RGS13: variants seen among roughly 807,000 people sequenced by gnomAD.
The protein encoded by RGS13 is regulator of G-protein signalling 13.
Under a neutral mutation model 19.9 loss-of-function variants are expected in RGS13, and 14 were observed. That is an observed-to-expected ratio of 0.70 (90% CI 0.46 to 1.10). The LOEUF is 1.10. Among genes scored for constraint, RGS13 ranks in the 50% least tolerant of loss-of-function variants. RGS13 has a pLI of 0.00. For synonymous variants in RGS13, 60 were observed against 56.8 expected (o/e 1.06, Z -0.25); for missense variants, 205 against 187.1 (o/e 1.10, Z -0.56).
At chr1:192,637,720 C>A (rs1285989477) in intron 2 of RGS13, 60 bp downstream of exon 2, 1 of 151,984 alleles carries the variant, frequency 6.6e-6, no homozygotes, top group Non-Finnish European at 1.5e-5. Flanking sequence ...CACTGTTTCA[C>A]TGGGAATTCT....
chr1:192,659,976 G>C lies in RGS13; in HGVS notation c.*453G>C, dbSNP rs959321249. 6 of 152,146 alleles carry C rather than the reference G, an allele frequency of 3.9e-5. 1 individual carries two copies. Among genetic ancestry groups the C allele is most frequent in the African/African-American group, 1.4e-4 (6 of 41,396 alleles). The allele number at this position is 152,146 out of a possible 1,614,324, so 9.4% of individuals were successfully genotyped here. On this transcript the variant is annotated 3_prime_UTR_variant, in exon 7 of 7. Transcript: ENST00000391995. ...AATGCTACTCACAGTACAATCAATT[G>C]TATTATACCATGAGAAAATCAAAAA...
rs1228462244 is a variant in RGS13, at chr1:192,659,753, A to C, written c.*230A>C. On this transcript the variant is annotated 3_prime_UTR_variant, in exon 7 of 7. Transcript: ENST00000391995. Reference sequence around the variant, plus strand: ...AGCCTATGTAGTTCAATTAATATATAAGGAAAAGGAAGGTCTTTCTTCATG... The same window carrying C: ...AGCCTATGTAGTTCAATTAATATATCAGGAAAAGGAAGGTCTTTCTTCATG... 5.5e-6 allele frequency: 2 copies of C among 362,778 alleles called. No homozygotes were observed. Among genetic ancestry groups the C allele is most frequent in the Non-Finnish European group, 9.8e-6 (2 of 205,120 alleles). The allele number at this position is 362,778 out of a possible 1,614,324, so 22.5% of individuals were successfully genotyped here.
At chr1:192,658,670 C>A (rs543388298) in intron 6 of RGS13, 2 of 248,038 alleles carry the variant, frequency 8.1e-6, no homozygotes, top group Admixed American at 4.8e-5. Context: ...GAGTCTGTGG[C>A]GAAAGCATTG....
intron 5 of RGS13, among the ~76,000 whole-genome samples, chr1:192,657,905 C>T (rs548813391): frequency 4.6e-5 from 7 of 152,226 alleles, no homozygotes; most frequent in Non-Finnish European, 1.0e-4. Context: ...TTCCTGGGCT[C>T]TGTGATGTCT....
At chr1:192,650,166 C>A (rs1400505357) in intron 5 of RGS13, among the ~76,000 whole-genome samples, 1 of 152,054 alleles carries the variant, frequency 6.6e-6, no homozygotes, top group South Asian at 2.1e-4. Context: ...TTCAAGTGGT[C>A]ATCTGCCTTG....
At chr1:192,656,370 T>A (rs1406971531) in intron 5 of RGS13, among the ~76,000 whole-genome samples, 1 of 151,950 alleles carries the variant, frequency 6.6e-6, no homozygotes, top group Non-Finnish European at 1.5e-5. Context: ...TTTGTTCATT[T>A]GTTTGTTTGT....
chr1:192,649,275 T>C (rs1290245545), intron 5 of RGS13, among the ~76,000 whole-genome samples: 2 of 152,168 alleles, frequency 1.3e-5, no homozygotes, highest in African/African-American at 2.4e-5. Flanking sequence ...TGTTAGAACA[T>C]TGAAATGTGA....
At chr1:192,639,274 A>G (rs553662315) in intron 3 of RGS13, among the ~76,000 whole-genome samples, 22 of 152,236 alleles carry the variant, frequency 1.4e-4, no homozygotes, top group South Asian at 4.1e-4. Flanking sequence ...AATTGCATTT[A>G]AAGGGAAGCT....
chr1:192,639,305 T>C (rs1011282935), intron 3 of RGS13, among the ~76,000 whole-genome samples: 13 of 151,748 alleles, frequency 8.6e-5, no homozygotes, highest in Admixed American at 1.3e-4. Flanking sequence ...TGTCCTCTTG[T>C]CCCTTTTTTC....
chr1:192,652,797 TGCTATATA>T (rs1663365944), intron 5 of RGS13, among the ~76,000 whole-genome samples: 1 of 152,014 alleles, frequency 6.6e-6, no homozygotes, highest in Non-Finnish European at 1.5e-5. Context: ...ATTCAGTGCC[TGCTATATA>T]GCAAGCAGTG....
chr1:192,657,865 C>T (rs116012659), intron 5 of RGS13, among the ~76,000 whole-genome samples: 3,925 of 152,134 alleles, frequency 0.026, 74 homozygotes, highest in Admixed American at 0.038. Flanking sequence ...ATGATTAGAG[C>T]CCCCGTCCTC....
chr1:192,648,069 T>G, intron 5 of RGS13, 82 bp downstream of exon 5: 1 of 931,790 alleles, frequency 1.1e-6, no homozygotes, highest in African/African-American at 1.7e-5. Flanking sequence ...AGATGATGAA[T>G]GTATGCTATT....
intron 5 of RGS13, among the ~76,000 whole-genome samples, chr1:192,654,461 T>G (rs917238335): frequency 1.3e-5 from 2 of 151,898 alleles, no homozygotes; most frequent in African/African-American, 4.8e-5. Flanking sequence ...AAATCAGAAA[T>G]TATTAACAGC....
At chr1:192,646,725 C>T (rs1364913483) in intron 4 of RGS13, 1 of 152,096 alleles carries the variant, frequency 6.6e-6, no homozygotes, top group Non-Finnish European at 1.5e-5. Context: ...TCATTCAGTT[C>T]CCACTTATAA....
At position 192,659,859 on chromosome 1, in the gene RGS13, C is replaced by T. The variant is rs889672666; in HGVS notation, c.*336C>T. On this transcript the variant is annotated 3_prime_UTR_variant, in exon 7 of 7. Coordinates refer to ENST00000391995, the MANE Select transcript of RGS13 (RefSeq NM_002927.5). ...TAATAAAATTTTGTGTCATAATTTA[C>T]AAATTAGTTCTTTAAAAATTGTTGT... 3 of 192,218 alleles carry T rather than the reference C, an allele frequency of 1.6e-5. No homozygotes were observed. The highest frequency in any genetic ancestry group is 3.1e-5 in the Non-Finnish European group (3 of 95,374). 11.9% of individuals were successfully genotyped at this position (192,218 alleles called of 1,614,324 possible).
At chr1:192,641,203 GGAAAGAAA>G (rs146449985) in intron 3 of RGS13, among the ~76,000 whole-genome samples, 2,933 of 95,548 alleles carry the variant, frequency 0.031, 112 homozygotes, top group Admixed American at 0.049. Context: ...AAAGAAAAAA[GGAAAGAAA>G]GAAAGAAAGA....
Position 192,659,401 on chromosome 1 carries a change from T to C in RGS13, c.358T>C (p.Cys120Arg), listed in dbSNP as rs761974239. The C allele has an allele frequency of 6.2e-7, 1 of 1,613,050 alleles. No homozygotes were observed. Among genetic ancestry groups the C allele is most frequent in the East Asian group, 2.2e-5 (1 of 44,718 alleles). ...IRNIQEPTET[C>R]FEEAQKIVYM... ...GAACATTCAGGAACCCACTGAAACA[T>C]GTTTTGAAGAAGCTCAGAAAATAGT... The change falls in exon 7 of 7, where the codon TGT (cysteine) becomes CGT (arginine). Residue 120 changes from cysteine (C) to arginine (R), a missense_variant. Physicochemically the swap from Cys to Arg is radical, Grantham distance 180 (BLOSUM62 -3). Coordinates refer to ENST00000391995, the MANE Select transcript of RGS13 (RefSeq NM_002927.5).
chr1:192,659,232 T>C, intron 6 of RGS13, 106 bp from the exon 7 acceptor site: 1 of 675,258 alleles, frequency 1.5e-6, no homozygotes, highest in Non-Finnish European at 2.4e-6. Flanking sequence ...AAAATTACCC[T>C]ATTCCACTGA....
chr1:192,646,443 C>T (rs1663221367), intron 4 of RGS13: 1 of 152,116 alleles, frequency 6.6e-6, no homozygotes, highest in South Asian at 2.1e-4. Context: ...ATTAAGAATG[C>T]ACCATAAACT....
Sources: gnomAD v4.1 joint callset for allele counts (sites outside exome capture counted in the v4.1 genomes callset) on GRCh38, gnomAD v4.1.1 for gene constraint, MANE v1.5 for transcripts, NCBI Gene and HGNC (gene_info 2026-07-23, HGNC 2026-07-21) for gene names.